The following PARP8 variants were observed in gnomAD, a reference collection of about 807,000 sequenced individuals.
The protein encoded by PARP8 is protein mono-ADP-ribosyltransferase PARP8.
Under a neutral mutation model 124.1 loss-of-function variants are expected in PARP8, and 51 were observed. The observed-to-expected ratio is 0.41, with a 90% confidence interval of 0.33 to 0.52. PARP8 has a LOEUF of 0.52. Among genes scored for constraint, PARP8 ranks in the 20% least tolerant of loss-of-function variants. The pLI is 0.21. For missense variants in PARP8, 860 were observed against 1,018.9 expected (o/e 0.84, Z 2.12); for synonymous variants, 391 against 361.5 (o/e 1.08, Z -0.93).
At chr5:50,697,236 C>T (rs979814229) in intron 2 of PARP8, among the ~76,000 whole-genome samples, 4 of 152,078 alleles carry the variant, frequency 2.6e-5, no homozygotes, top group African/African-American at 7.2e-5. Flanking sequence ...AATCTGGCGA[C>T]AGAGCGAGAC....
chr5:50,706,895 A>AAT (rs1195045563), intron 2 of PARP8, among the ~76,000 whole-genome samples: 5 of 152,098 alleles, frequency 3.3e-5, no homozygotes, highest in Admixed American at 3.3e-4. Flanking sequence ...TTCAGATTCT[A>AAT]ATAGTGCATT....
chr5:50,815,274 AAATTT>A (rs1221561957), intron 14 of PARP8, among the ~76,000 whole-genome samples, 153 bp from the exon 15 acceptor site: 7 of 152,176 alleles, frequency 4.6e-5, no homozygotes, highest in Admixed American at 1.3e-4. Context: ...ATTGTTACCT[AAATTT>A]AAGAATTTAT....
At chr5:50,690,422 T>C (rs1217612221) in intron 2 of PARP8, among the ~76,000 whole-genome samples, 1 of 152,124 alleles carries the variant, frequency 6.6e-6, no homozygotes, top group African/African-American at 2.4e-5. Flanking sequence ...TCTTTTAAAG[T>C]TCTATTTTGC....
intron 14 of PARP8, among the ~76,000 whole-genome samples, chr5:50,814,504 A>AT (rs1170690697): frequency 2.6e-5 from 4 of 151,894 alleles, no homozygotes; most frequent in Non-Finnish European, 5.9e-5. Flanking sequence ...ATATAGATTC[A>AT]TTTTTTTTCC....
intron 7 of PARP8, among the ~76,000 whole-genome samples, chr5:50,773,309 G>T (rs140665805): frequency 6.6e-6 from 1 of 152,142 alleles, no homozygotes; most frequent in African/African-American, 2.4e-5. Context: ...ATATTTTTGG[G>T]TCTTACATTT....
chr5:50,765,961 G>A (rs1761017261), intron 7 of PARP8, among the ~76,000 whole-genome samples: 1 of 152,000 alleles, frequency 6.6e-6, no homozygotes, highest in African/African-American at 2.4e-5. Context: ...AACTCAATAT[G>A]CACAACAGGC....
At chr5:50,757,419 C>T (rs536180819) in intron 3 of PARP8, among the ~76,000 whole-genome samples, 1 of 152,178 alleles carries the variant, frequency 6.6e-6, no homozygotes, top group South Asian at 2.1e-4. Context: ...CTTTCCTGTT[C>T]TATGTTTCTG....
At chr5:50,697,305 T>C (rs1230530442) in intron 2 of PARP8, among the ~76,000 whole-genome samples, 2 of 152,118 alleles carry the variant, frequency 1.3e-5, no homozygotes, top group Non-Finnish European at 2.9e-5. Flanking sequence ...GTTCATATCC[T>C]TCGGAATAAA....
At chr5:50,729,107 C>T (rs1379755197) in intron 2 of PARP8, among the ~76,000 whole-genome samples, 1 of 152,102 alleles carries the variant, frequency 6.6e-6, no homozygotes, top group Non-Finnish European at 1.5e-5. Flanking sequence ...AAATCTCATT[C>T]ACCTAACAAA....
intron 2 of PARP8, among the ~76,000 whole-genome samples, chr5:50,727,085 C>G (rs1407625459): frequency 6.6e-6 from 1 of 152,004 alleles, no homozygotes; most frequent in African/African-American, 2.4e-5. Context: ...ACAGGCAATT[C>G]CTTTGTATAG....
intron 21 of PARP8, 134 bp downstream of exon 21, chr5:50,828,518 C>T: frequency 1.4e-6 from 1 of 722,798 alleles, no homozygotes; most frequent in South Asian, 1.7e-5. Flanking sequence ...TTCTAGTAGG[C>T]ATACTAGAAC....
rs540812115 is a variant in PARP8 at position 50,667,044 on chromosome 5, G to T, written c.-52G>T. 99 of 1,595,832 alleles carry T rather than the reference G, an allele frequency of 6.2e-5. 5 individuals are homozygous for T. The South Asian group carries it at 7.4e-4, about 12-fold the overall frequency. On this transcript the variant is annotated 5_prime_UTR_variant, in exon 1 of 26. Transcript: ENST00000281631. ...TTACGAAAGCTGGAAGCGTGCGAGG[G>T]GGGTGGGGTGGGGTGGAAATAGCGG...
chr5:50,685,093 T>C (rs1751710570), intron 2 of PARP8, among the ~76,000 whole-genome samples: 1 of 152,190 alleles, frequency 6.6e-6, no homozygotes, highest in Admixed American at 6.5e-5. Context: ...TATTTGCAGT[T>C]GATTAGAGAG....
chr5:50,670,539 G>A (rs186118375), intron 2 of PARP8, among the ~76,000 whole-genome samples: 2 of 152,322 alleles, frequency 1.3e-5, no homozygotes, highest in Admixed American at 1.3e-4. Flanking sequence ...GCCAAGAGGC[G>A]ATTGTGTCCA....
chr5:50,683,687 AAC>A (rs1364130175), intron 2 of PARP8, among the ~76,000 whole-genome samples: 6 of 152,164 alleles, frequency 3.9e-5, no homozygotes, highest in African/African-American at 1.4e-4. Context: ...AGAGATATTC[AAC>A]ACACTTTTGT....
At chr5:50,749,461 C>T (rs1404712532) in intron 2 of PARP8, among the ~76,000 whole-genome samples, 1 of 151,792 alleles carries the variant, frequency 6.6e-6, no homozygotes, top group African/African-American at 2.4e-5. Flanking sequence ...AAAAAATGAA[C>T]AGATAAATAT....
At position 50,667,142 on chromosome 5, in the gene PARP8, T is replaced by A; in HGVS notation, c.47T>A (p.Val16Asp). ...RQERIQKDID[V>D]VIQKSRAEKD... is the part of the protein sequence containing the mutation. ...GAGCGAATTCAGAAGGATATCGACG[T>A]CGTGATCCAGAAGTCCAGAGCTGAG... Residue 16 changes from valine to aspartate, a missense_variant, in exon 1 of 26, where the codon GTC becomes GAC. Physicochemically the swap from Val to Asp is radical, Grantham distance 152. Around this residue, in one of 2 missense-constraint regions of PARP8, gnomAD observed 517 missense variants for 544.2 expected, o/e 0.95. Transcript: ENST00000281631. 6.3e-7 allele frequency: 1 copy of A among 1,596,342 alleles called. No homozygotes were observed. The highest frequency in any genetic ancestry group is 8.5e-7 in the Non-Finnish European group (1 of 1,179,754).
chr5:50,702,121 G>A (rs192926274), intron 2 of PARP8, among the ~76,000 whole-genome samples: 3 of 151,968 alleles, frequency 2.0e-5, no homozygotes, highest in Non-Finnish European at 2.9e-5. Flanking sequence ...GTAAGTATTC[G>A]TTTGCTTTTT....
At chr5:50,739,477 C>A (rs886370911) in intron 2 of PARP8, among the ~76,000 whole-genome samples, 5 of 151,920 alleles carry the variant, frequency 3.3e-5, no homozygotes, top group Admixed American at 6.6e-5. Context: ...CATATTTCAT[C>A]TTCCTTGTAA....
Sources: allele counts gnomAD v4.1 joint callset (sites outside exome capture counted in the v4.1 genomes callset), GRCh38; gene constraint gnomAD v4.1.1; regional missense constraint gnomAD v4.1.1; transcripts MANE v1.5; gene names NCBI Gene and HGNC (gene_info 2026-07-23, HGNC 2026-07-21).